Variants in SLCO1A2 observed in about 807,000 individuals in gnomAD.
The protein encoded by SLCO1A2 is OATP-1.
A neutral mutation model predicts 69.0 loss-of-function variants in SLCO1A2; 67 were observed. The ratio of observed to expected loss-of-function variants is 0.97; its 90% CI spans 0.80 to 1.19. The LOEUF is 1.19. Ranked by LOEUF, SLCO1A2 falls within the 50% of genes most tolerant of loss-of-function variation. SLCO1A2 has a pLI of 0.00. For synonymous variants in SLCO1A2, 260 were observed against 265.9 expected (o/e 0.98, Z 0.22); for missense variants, 787 against 793.7 (o/e 0.99, Z 0.10).
chr12:21,312,026 GAGA>G (rs1355518980), intron 4 of SLCO1A2, among the ~76,000 whole-genome samples: 9 of 149,046 alleles, frequency 6.0e-5, no homozygotes, highest in East Asian at 3.9e-4. Flanking sequence ...GAGGGAGGAG[GAGA>G]AGAAGAAGAG....
chr12:21,359,443 C>A (rs574047748), intron 2 of SLCO1A2, among the ~76,000 whole-genome samples: 1 of 152,138 alleles, frequency 6.6e-6, no homozygotes, highest in Admixed American at 6.5e-5. Context: ...CTAAAAGAAC[C>A]ACAAATACTG....
intron 1 of SLCO1A2, among the ~76,000 whole-genome samples, chr12:21,391,944 C>T (rs568263590): frequency 6.6e-6 from 1 of 152,238 alleles, no homozygotes; most frequent in Non-Finnish European, 1.5e-5. Context: ...CTTCTGCCTT[C>T]CTTTTTCTCC....
intron 2 of SLCO1A2, among the ~76,000 whole-genome samples, chr12:21,367,986 G>A (rs760815728): frequency 2.0e-4 from 30 of 152,080 alleles, no homozygotes; most frequent in Admixed American, 3.3e-4. Context: ...GACAGAATTA[G>A]ACTAGCACTA....
At position 21,318,811 on chromosome 12, in the gene SLCO1A2, A is replaced by G. The variant is rs770250345; in HGVS notation, c.173T>C (p.Val58Ala). ...CTCAAAGCTTCCATTAATGAATCCA[A>G]CTAGAGATGTTGGGATGTTGAATTG... Reference protein sequence around the residue: ...ERQFNIPTSLVGFINGSFEIG... With the variant: ...ERQFNIPTSLAGFINGSFEIG... Residue 58 changes from valine to alanine, a missense_variant, in exon 3 of 15, where the codon GTT becomes GCT. Transcript: ENST00000683939. 3.7e-6 allele frequency: 6 copies of G among 1,608,440 alleles called. No individual in the cohort carries two copies. Among genetic ancestry groups the G allele is most frequent in the South Asian group, 3.4e-5 (3 of 89,346 alleles).
At chr12:21,351,645 G>A (rs1291829335) in intron 2 of SLCO1A2, among the ~76,000 whole-genome samples, 1 of 151,976 alleles carries the variant, frequency 6.6e-6, no homozygotes, top group African/African-American at 2.4e-5. Context: ...GGGCATGGTG[G>A]TGGGCGCCTG....
At chr12:21,288,892 T>G (rs1946389749) in intron 12 of SLCO1A2, among the ~76,000 whole-genome samples, 1 of 151,660 alleles carries the variant, frequency 6.6e-6, no homozygotes, top group Non-Finnish European at 1.5e-5. Flanking sequence ...TATGTATAAT[T>G]TTAATTATAT....
At chr12:21,386,800 C>G (rs1379967975) in intron 1 of SLCO1A2, among the ~76,000 whole-genome samples, 1 of 151,858 alleles carries the variant, frequency 6.6e-6, no homozygotes, top group Non-Finnish European at 1.5e-5. Flanking sequence ...GGGTAACAAG[C>G]AGAGGTTGGA....
At chr12:21,396,699 G>A (rs1941475064), upstream of SLCO1A2, among the ~76,000 whole-genome samples, 1 of 152,176 alleles carries the variant, frequency 6.6e-6, no homozygotes, top group Non-Finnish European at 1.5e-5. Flanking sequence ...CAAGCCAGAA[G>A]AGAGTGGGGG....
chr12:21,300,282 A>G, intron 8 of SLCO1A2, 66 bp downstream of exon 8: 1 of 1,197,038 alleles, frequency 8.4e-7, no homozygotes, highest in Non-Finnish European at 1.2e-6. Context: ...GTGTTAGACT[A>G]AAATACAGAC....
intron 8 of SLCO1A2, among the ~76,000 whole-genome samples, chr12:21,298,682 T>C (rs7967303): frequency 0.13 from 19,958 of 152,198 alleles, 1,431 homozygotes; most frequent in African/African-American, 0.16. Flanking sequence ...CCTGTCCTAA[T>C]AGATGAGTTT....
intron 12 of SLCO1A2, among the ~76,000 whole-genome samples, chr12:21,290,543 T>A (rs1158072957): frequency 1.3e-5 from 2 of 151,892 alleles, no homozygotes; most frequent in South Asian, 4.1e-4. Context: ...GCACCACAAA[T>A]CAAAGGAAAA....
chr12:21,400,677 C>T (rs1385353850), intron 1 of SLCO1A2, among the ~76,000 whole-genome samples: 1 of 136,332 alleles, frequency 7.3e-6, no homozygotes. Flanking sequence ...CACATATACA[C>T]CATGGAATAC....
chr12:21,405,893 C>G (rs1417324705), intron 1 of SLCO1A2, among the ~76,000 whole-genome samples: 1 of 152,162 alleles, frequency 6.6e-6, no homozygotes, highest in Non-Finnish European at 1.5e-5. Context: ...GTTAATTAAC[C>G]TCATTTTTAA....
intron 2 of SLCO1A2, among the ~76,000 whole-genome samples, chr12:21,346,511 G>C (rs1488764643): frequency 6.6e-6 from 1 of 150,548 alleles, no homozygotes; most frequent in Non-Finnish European, 1.5e-5. Flanking sequence ...ATTTTTAGAA[G>C]ATATGTTAGC....
chr12:21,288,927 A>G (rs938794312), intron 12 of SLCO1A2, among the ~76,000 whole-genome samples: 1 of 151,782 alleles, frequency 6.6e-6, no homozygotes, highest in Non-Finnish European at 1.5e-5. Context: ...ATCTAGATAT[A>G]AAATTTATAT....
Position 21,301,241 on chromosome 12 carries a change from A to G in SLCO1A2, c.618T>C (p.Gly206=), listed in dbSNP as rs750153248. 21 of 1,612,260 alleles carry G rather than the reference A, an allele frequency of 1.3e-5. No individual in the cohort carries two copies. The highest frequency in any genetic ancestry group is 4.5e-5 in the East Asian group (2 of 44,790). The change falls in exon 7 of 15, where the codon GGT becomes GGC. Residue 206 remains glycine (G), a synonymous_variant. Transcript: ENST00000683939. The part of the protein sequence containing the change: ...IGLVETGAII[G]PLIGLLLASF... ...ATGCCAACAAAAGTCCAATCAAAGG[A>G]CCAATAATAGCTCCTGTTTCTACAA... is the stretch of plus-strand genomic sequence containing the variant.
intron 1 of SLCO1A2, among the ~76,000 whole-genome samples, chr12:21,394,234 C>T (rs1218061950): frequency 6.6e-6 from 1 of 152,126 alleles, no homozygotes; most frequent in Non-Finnish European, 1.5e-5. Flanking sequence ...GCCTTAGTGG[C>T]TCAGCAACAA....
chr12:21,392,780 A>C (rs1234865805), intron 1 of SLCO1A2, among the ~76,000 whole-genome samples: 1 of 152,218 alleles, frequency 6.6e-6, no homozygotes, highest in Non-Finnish European at 1.5e-5. Flanking sequence ...AGAATGCATA[A>C]AATTTTCCAA....
upstream of SLCO1A2, among the ~76,000 whole-genome samples, chr12:21,418,986 C>T (rs1942034891): frequency 6.6e-6 from 1 of 152,068 alleles, no homozygotes; most frequent in South Asian, 2.1e-4. Context: ...TGTGTTCCAG[C>T]TCTGGGAAGA....
Sources: allele counts gnomAD v4.1 joint callset (sites outside exome capture counted in the v4.1 genomes callset), GRCh38; gene constraint gnomAD v4.1.1; transcripts MANE v1.5; gene names NCBI Gene and HGNC (gene_info 2026-07-23, HGNC 2026-07-21).